The following ADAMTSL1 variants were observed in gnomAD, a reference collection of about 807,000 sequenced individuals.
The protein encoded by ADAMTSL1 is ADAMTS like 1.
In ADAMTSL1, 126 loss-of-function variants were observed where a neutral mutation model predicts 201.8. That is an observed-to-expected ratio of 0.62 (90% CI 0.54 to 0.72). The LOEUF (loss-of-function observed/expected upper bound fraction) is 0.72, where lower values mean the gene tolerates loss of function less well. Ranked by LOEUF, ADAMTSL1 falls within the 30% of genes least tolerant of loss-of-function variation. The probability of loss-of-function intolerance (pLI) is 0.00; values close to 1 mark genes in which losing one functional copy is unlikely to be tolerated. For missense variants in ADAMTSL1, 2,679 were observed against 2,277.8 expected, an observed-to-expected ratio of 1.18 and a Z score of -3.59; for synonymous variants, 1,121 against 903.4, an observed-to-expected ratio of 1.24 and a Z score of -4.32.
At chr9:18,025,724 TG>T (rs1820666345) in intron 1 of ADAMTSL1, among the ~76,000 whole-genome samples, 1 of 152,160 alleles carries the variant, frequency 6.6e-6, no homozygotes, top group Non-Finnish European at 1.5e-5. Context: ...AGGATTGGTT[TG>T]GGTTTTGGGT....
At chr9:18,175,750 G>C (rs1211875176) in intron 2 of ADAMTSL1, among the ~76,000 whole-genome samples, 9 of 152,042 alleles carry the variant, frequency 5.9e-5, no homozygotes, top group Non-Finnish European at 1.5e-5. Flanking sequence ...GGGTGGCCTT[G>C]TCTCTCCAAA....
intron 2 of ADAMTSL1, among the ~76,000 whole-genome samples, chr9:18,416,186 G>C (rs780500298): frequency 2.0e-5 from 3 of 152,014 alleles, no homozygotes; most frequent in African/African-American, 4.8e-5. Context: ...GCCTATAAAT[G>C]ATAATCGACA....
At chr9:18,234,124 G>T (rs768346543) in intron 2 of ADAMTSL1, among the ~76,000 whole-genome samples, 2 of 152,074 alleles carry the variant, frequency 1.3e-5, no homozygotes, top group African/African-American at 2.4e-5. Flanking sequence ...GTTTGGATGT[G>T]GGGGGTGAGA....
chr9:18,050,394 C>T (rs568422303), intron 1 of ADAMTSL1, among the ~76,000 whole-genome samples: 1 of 152,044 alleles, frequency 6.6e-6, no homozygotes, highest in Non-Finnish European at 1.5e-5. Context: ...CAGTAATATG[C>T]TACCTTCCAA....
intron 1 of ADAMTSL1, among the ~76,000 whole-genome samples, chr9:18,056,799 C>T (rs1179811615): frequency 6.6e-6 from 1 of 152,166 alleles, no homozygotes; most frequent in Non-Finnish European, 1.5e-5. Flanking sequence ...GAGGAACCCA[C>T]TCTGGGTTTC....
At chr9:18,336,823 T>G (rs1055361947) in intron 2 of ADAMTSL1, among the ~76,000 whole-genome samples, 3 of 152,156 alleles carry the variant, frequency 2.0e-5, no homozygotes, top group African/African-American at 7.2e-5. Context: ...TCAGATTGTG[T>G]TTATAGAGAT....
At chr9:18,295,878 TAAAG>T (rs960275698) in intron 2 of ADAMTSL1, among the ~76,000 whole-genome samples, 8 of 152,322 alleles carry the variant, frequency 5.3e-5, no homozygotes, top group African/African-American at 1.7e-4. Flanking sequence ...TGTATTAACA[TAAAG>T]AAGAATATAT....
intron 23 of ADAMTSL1, among the ~76,000 whole-genome samples, chr9:18,870,626 A>G (rs547034881): frequency 6.6e-6 from 1 of 152,252 alleles, no homozygotes; most frequent in East Asian, 1.9e-4. Flanking sequence ...ATCACAAGCC[A>G]ATAAAGTTAT....
chr9:18,739,692 A>G (rs554058124), intron 15 of ADAMTSL1, among the ~76,000 whole-genome samples: 1 of 152,278 alleles, frequency 6.6e-6, no homozygotes, highest in Non-Finnish European at 1.5e-5. Context: ...ATTTGTGGAA[A>G]GCCTCATTCT....
intron 4 of ADAMTSL1, among the ~76,000 whole-genome samples, chr9:18,598,577 A>G (rs1001893884): frequency 2.6e-5 from 4 of 152,138 alleles, no homozygotes; most frequent in African/African-American, 9.7e-5. Flanking sequence ...AGATGATCAC[A>G]GGAACATTCC....
intron 2 of ADAMTSL1, among the ~76,000 whole-genome samples, chr9:18,452,617 C>T (rs757795310): frequency 6.6e-6 from 1 of 152,126 alleles, no homozygotes; most frequent in Admixed American, 6.5e-5. Flanking sequence ...TTATCTAACT[C>T]CAAAATACAA....
intron 28 of ADAMTSL1, 115 bp downstream of exon 28, chr9:18,907,027 T>A: frequency 8.3e-7 from 1 of 1,205,754 alleles, no homozygotes; most frequent in Non-Finnish European, 1.2e-6. Context: ...CCCCAGGGAT[T>A]GTGAGCTGGT....
chr9:18,905,392 C>T (rs576985866), intron 26 of ADAMTSL1: 69 of 170,858 alleles, frequency 4.0e-4, no homozygotes, highest in African/African-American at 1.5e-3. Flanking sequence ...AGCAAGAAAA[C>T]GATAAACCAT....
At chr9:17,991,156 T>G (rs1276200822) in intron 1 of ADAMTSL1, among the ~76,000 whole-genome samples, 1 of 152,140 alleles carries the variant, frequency 6.6e-6, no homozygotes, top group African/African-American at 2.4e-5. Flanking sequence ...TGAATATGTC[T>G]TAATCACACA....
Position 17,955,588 on chromosome 9 carries a change from A to G in ADAMTSL1, c.87+48666A>G, listed in dbSNP as rs78845038. 6.9e-3 allele frequency among the ~76,000 whole-genome samples: 1,050 copies of G among 152,320 alleles called. 15 individuals carry two copies. The highest frequency in any genetic ancestry group is 0.024 in the African/African-American group (991 of 41,586). ...TTAAATTACACCACTTCTGAGTAGC[A>G]TGATGAAATCTTGCTCCTTCCTCCT... On this transcript the variant is annotated intron_variant, in intron 1 of 29. Coordinates refer to the ADAMTSL1 transcript ENST00000680146.
intron 15 of ADAMTSL1, among the ~76,000 whole-genome samples, chr9:18,736,268 CCATTTGTTCGCAAGTGAGGGGAGA>C (rs1272384681): frequency 6.6e-6 from 1 of 152,066 alleles, no homozygotes; most frequent in Non-Finnish European, 1.5e-5. Context: ...AAACGGTAGG[CCATTTGTTCGCAAGTGAGGGGAGA>C]CAAGTGAGTA....
chr9:17,939,943 C>T (rs1016708119), intron 1 of ADAMTSL1, among the ~76,000 whole-genome samples: 8 of 152,028 alleles, frequency 5.3e-5, no homozygotes, highest in African/African-American at 1.9e-4. Flanking sequence ...GGACTTGACC[C>T]TTCTTGGCTG....
intron 2 of ADAMTSL1, among the ~76,000 whole-genome samples, chr9:18,286,370 CATG>C (rs1832993216): frequency 6.6e-6 from 1 of 152,146 alleles, no homozygotes; most frequent in South Asian, 2.1e-4. Context: ...TTTGAATATA[CATG>C]ATGATGATAA....
chr9:18,237,517 A>T (rs1830894362), intron 2 of ADAMTSL1, among the ~76,000 whole-genome samples: 2 of 152,210 alleles, frequency 1.3e-5, no homozygotes. Context: ...TGGATAAAGC[A>T]CTTAGAGGAT....
Sources: gnomAD v4.1 joint callset for allele counts (sites outside exome capture counted in the v4.1 genomes callset) on GRCh38, gnomAD v4.1.1 for gene constraint, MANE v1.5 for transcripts, NCBI Gene and HGNC (gene_info 2026-07-23, HGNC 2026-07-21) for gene names.